PLEKHM2: variants seen among roughly 807,000 people sequenced by gnomAD.
The protein encoded by PLEKHM2 is pleckstrin homology domain-containing family M member 2.
Under a neutral mutation model 116.3 loss-of-function variants are expected in PLEKHM2, and 77 were observed. That is an observed-to-expected ratio of 0.66 (90% CI 0.55 to 0.80). The LOEUF is 0.80. Ranked by LOEUF, PLEKHM2 falls within the 30% of genes least tolerant of loss-of-function variation. PLEKHM2 has a pLI of 0.00. For missense variants in PLEKHM2, 1,183 were observed against 1,354.9 expected (o/e 0.87, Z 1.99); for synonymous variants, 562 against 571.0 (o/e 0.98, Z 0.22).
At chr1:15,711,644 G>A (rs1384013296) in intron 1 of PLEKHM2, among the ~76,000 whole-genome samples, 3 of 151,646 alleles carry the variant, frequency 2.0e-5, no homozygotes, top group African/African-American at 4.8e-5. Context: ...AAGAAAAAAG[G>A]CACTTCTGTA....
intron 7 of PLEKHM2, chr1:15,722,861 C>A (rs1271398640): frequency 6.6e-6 from 1 of 152,178 alleles, no homozygotes; most frequent in Non-Finnish European, 1.5e-5. Flanking sequence ...AACAACTAAC[C>A]CCCCTCCTGA....
chr1:15,705,827 C>T (rs939102130), intron 1 of PLEKHM2, among the ~76,000 whole-genome samples: 5 of 152,136 alleles, frequency 3.3e-5, no homozygotes, highest in African/African-American at 1.2e-4. Flanking sequence ...TCTGGTGGCT[C>T]ACGCCTGTAA....
intron 1 of PLEKHM2, among the ~76,000 whole-genome samples, chr1:15,688,648 T>TAA (rs1571015670): frequency 1.1e-5 from 1 of 87,858 alleles, no homozygotes; most frequent in Non-Finnish European, 2.0e-5. Flanking sequence ...AGACTCTGTC[T>TAA]CAAAAAAAAA....
intron 1 of PLEKHM2, among the ~76,000 whole-genome samples, chr1:15,704,268 G>C (rs1470587005): frequency 6.6e-6 from 1 of 151,842 alleles, no homozygotes; most frequent in Middle Eastern, 3.2e-3. Flanking sequence ...GGGATTTTCT[G>C]TATTTACTGT....
chr1:15,716,561 A>G (rs1557653100), intron 2 of PLEKHM2, 146 bp from the exon 3 acceptor site: 1 of 751,416 alleles, frequency 1.3e-6, no homozygotes, highest in Non-Finnish European at 2.2e-6. Flanking sequence ...CACAAATGAT[A>G]TGATGGTGTG....
In PLEKHM2 at chr1:15,729,267, G is replaced by C; in HGVS notation, c.2075+77G>C. The C allele has an allele frequency of 8.0e-7, 1 of 1,245,958 alleles. No homozygotes were observed. The highest frequency in any genetic ancestry group is 1.3e-5 in the South Asian group (1 of 78,662). 77.2% of individuals were successfully genotyped at this position (1,245,958 alleles called of 1,614,324 possible). ...ATAGGTGTGGGTGGCCTGGGGGTCA[G>C]GGGTGGAGGTGGAAAGTGGGAGATC... On this transcript the variant is annotated intron_variant, in intron 13 of 19. Coordinates refer to ENST00000375799, the MANE Select transcript of PLEKHM2 (RefSeq NM_015164.4). The surrounding 1 kb of genome is among the most constrained non-coding windows in gnomAD (Gnocchi z 4.7).
At chr1:15,726,646 G>T (rs989323616) in intron 8 of PLEKHM2, among the ~76,000 whole-genome samples, 1 of 152,210 alleles carries the variant, frequency 6.6e-6, no homozygotes, top group Non-Finnish European at 1.5e-5. Flanking sequence ...CACATCCGAA[G>T]GGGGGCTGAG....
In PLEKHM2 at chr1:15,729,797, G is replaced by T; in HGVS notation, c.2076G>T (p.Glu692Asp). ...LLDTADVALA[E>D]FFLASLKSAM... ...ACCACAAACCTCACTCCCTATGCAG[G>T]TTCTTTTTGGCTTCTTTGAAGTCAG... Residue 692 changes from glutamate (E) to aspartate (D), a missense_variant and splice_region_variant, in exon 14 of 20, where the codon GAG (glutamate) becomes GAT (aspartate). By Grantham distance (45) the Glu-to-Asp change is conservative. Transcript: ENST00000375799. The surrounding 1 kb of genome is among the most constrained non-coding windows in gnomAD (Gnocchi z 4.7). 7.4e-6 allele frequency: 12 copies of T among 1,611,624 alleles called. No individual in the cohort carries two copies. Among genetic ancestry groups the T allele is most frequent in the Non-Finnish European group, 1.0e-5 (12 of 1,179,022 alleles).
Position 15,733,918 on chromosome 1 carries a change from G to A in PLEKHM2, c.3044G>A (p.Arg1015Gln), listed in dbSNP as rs199904231. The change falls in exon 20 of 20, where the codon CGA (arginine) becomes CAA (glutamine). Residue 1015 changes from arginine to glutamine, a missense_variant. Transcript: ENST00000375799. The stretch of plus-strand genomic sequence containing the variant: ...AGTCTCTGCCGCGGCCGAGCCTCCC[G>A]AGACCCCTGGTGCTGAGGCAGAGCT... The part of the protein sequence containing the change: ...SDSLCRGRAS[R>Q]DPWC 7.7e-5 allele frequency: 124 copies of A among 1,612,266 alleles called. No homozygotes were observed. The highest frequency in any genetic ancestry group is 7.6e-4 in the African/African-American group (57 of 74,928).
At chr1:15,702,218 C>T (rs1012691611) in intron 1 of PLEKHM2, among the ~76,000 whole-genome samples, 4 of 152,166 alleles carry the variant, frequency 2.6e-5, no homozygotes, top group Non-Finnish European at 5.9e-5. Context: ...CCATGGGACG[C>T]GTCCTCACCC....
chr1:15,711,616 C>CAA (rs59444789), intron 1 of PLEKHM2, among the ~76,000 whole-genome samples: 2 of 119,654 alleles, frequency 1.7e-5, no homozygotes, highest in African/African-American at 6.2e-5. Context: ...GGCTCCATCT[C>CAA]AAAAAAAAAA....
intron 7 of PLEKHM2, among the ~76,000 whole-genome samples, chr1:15,723,655 G>T (rs899438622): frequency 6.6e-6 from 1 of 151,620 alleles, no homozygotes; most frequent in African/African-American, 2.4e-5. Context: ...CAGGGCAGGA[G>T]GATCACTTGA....
rs1256982296 is a variant in PLEKHM2 at position 15,730,574 on chromosome 1, G to A, written c.2251G>A (p.Glu751Lys). 1.9e-6 allele frequency: 3 copies of A among 1,604,114 alleles called. No individual in the cohort carries two copies. Among genetic ancestry groups the A allele is most frequent in the Non-Finnish European group, 2.6e-6 (3 of 1,176,136 alleles). ...TVRFYGLVHW[E>K]DPTDESLGPT... ...GCGCTTCTACGGCCTTGTGCACTGG[G>A]AGGACCCCACAGACGAGTCCCTGGG... is the stretch of plus-strand genomic sequence containing the variant. The change falls in exon 15 of 20, where the codon GAG becomes AAG. Residue 751 changes from glutamate (E) to lysine (K), a missense_variant. Coordinates refer to ENST00000375799, the MANE Select transcript of PLEKHM2 (RefSeq NM_015164.4).
At position 15,719,489 on chromosome 1, in the gene PLEKHM2, C is replaced by T. The variant is rs540040612; in HGVS notation, c.466-245C>T. 2.0e-5 allele frequency among the ~76,000 whole-genome samples: 3 copies of T among 152,076 alleles called. No individual in the cohort carries two copies. The South Asian group carries it at 6.2e-4, about 32-fold the overall frequency. ...AATAAATAGAGAGAGAGAGAGATAG[C>T]GGGGGCATCAAAGGGTGTAGCTGAG... is the stretch of plus-strand genomic sequence containing the variant. On this transcript the variant is annotated intron_variant, in intron 5 of 19. Coordinates refer to ENST00000375799, the MANE Select transcript of PLEKHM2 (RefSeq NM_015164.4). The surrounding 1 kb of genome is among the most constrained non-coding windows in gnomAD (Gnocchi z 4.1).
Position 15,726,570 on chromosome 1 carries a change from C to T in PLEKHM2, c.942-444C>T, listed in dbSNP as rs570996313. Among the ~76,000 whole-genome samples, 447 of 152,304 alleles carry T rather than the reference C, an allele frequency of 2.9e-3. 3 individuals are homozygous for T. Among genetic ancestry groups the T allele is most frequent in the African/African-American group, 0.01 (425 of 41,574 alleles). ...GGACCCGGAGCGTGAGCCCAGAAAG[C>T]GCTGAGTGCTTTCTGGGTGATTCCT... On this transcript the variant is annotated intron_variant, in intron 8 of 19. Transcript: ENST00000375799.
upstream of PLEKHM2, among the ~76,000 whole-genome samples, chr1:15,682,210 A>G (rs1195993013): frequency 6.6e-6 from 1 of 151,900 alleles, no homozygotes; most frequent in Non-Finnish European, 1.5e-5. Flanking sequence ...AAATAATTTA[A>G]GGCCAAGGCG....
Position 15,727,474 on chromosome 1 carries a change from A to C in PLEKHM2, c.1402A>C (p.Thr468Pro). ...AGCCCCAATGGACTTCTACCGCTTT[A>C]CCGTCGAGAGTCCAAGCACTGTTAC... ...LSAPMDFYRF[T>P]VESPSTVTSG... Residue 468 changes from threonine (T) to proline (P), a missense_variant, in exon 9 of 20, where the codon ACC (threonine) becomes CCC (proline). Coordinates refer to ENST00000375799, the MANE Select transcript of PLEKHM2 (RefSeq NM_015164.4). The surrounding 1 kb of genome is among the most constrained non-coding windows in gnomAD (Gnocchi z 7.5). The C allele has an allele frequency of 1.2e-6, 2 of 1,600,670 alleles. No individual in the cohort carries two copies. The highest frequency in any genetic ancestry group is 1.7e-6 in the Non-Finnish European group (2 of 1,174,332).
chr1:15,688,176 T>A (rs1280800205), intron 1 of PLEKHM2, among the ~76,000 whole-genome samples: 1 of 152,200 alleles, frequency 6.6e-6, no homozygotes, highest in African/African-American at 2.4e-5. Flanking sequence ...CAAGGAGTAT[T>A]GTTGAGTTCA....
At chr1:15,682,802 AGAG>A (rs1192276111), upstream of PLEKHM2, 3 of 152,360 alleles carry the variant, frequency 2.0e-5, no homozygotes, top group Non-Finnish European at 4.4e-5. Context: ...TGGCCTGAGC[AGAG>A]AAGAGGGAAG....
Sources: allele counts gnomAD v4.1 joint callset (sites outside exome capture counted in the v4.1 genomes callset), GRCh38; gene constraint gnomAD v4.1.1; non-coding constraint Gnocchi (gnomAD v3.1); transcripts MANE v1.5; gene names NCBI Gene and HGNC (gene_info 2026-07-23, HGNC 2026-07-21).